WIPI1: variants seen among roughly 807,000 people sequenced by gnomAD.
WIPI1 encodes the protein WD repeat domain phosphoinositide-interacting protein 1.
In WIPI1, 45 loss-of-function variants were observed where a neutral mutation model predicts 55.3. That is an observed-to-expected ratio of 0.81 (90% CI 0.64 to 1.04). WIPI1 has a LOEUF of 1.04. WIPI1 is among the 50% of genes least tolerant of loss of function. The pLI is 0.00. For missense variants in WIPI1, 445 were observed against 559.0 expected (o/e 0.80, Z 2.06); for synonymous variants, 195 against 217.6 (o/e 0.90, Z 0.92).
chr17:68,444,350 A>T, intron 4 of WIPI1, 143 bp downstream of exon 4: 1 of 721,570 alleles, frequency 1.4e-6, no homozygotes, highest in South Asian at 1.7e-5. Context: ...TGCCGCCATT[A>T]AGACAAAGCT....
chr17:68,454,856 A>G (rs1400000796), intron 1 of WIPI1, among the ~76,000 whole-genome samples: 1 of 152,198 alleles, frequency 6.6e-6, no homozygotes, highest in African/African-American at 2.4e-5. Context: ...CTGCTCCTGG[A>G]CCAGAAGAAT....
In WIPI1 at chr17:68,455,764, G is replaced by A. The variant is rs553746974; in HGVS notation, c.80+1578C>T. 4.2e-4 allele frequency among the ~76,000 whole-genome samples: 64 copies of A among 152,272 alleles called. No homozygotes were observed. The East Asian group carries it at 4.4e-3, about 11-fold the overall frequency. Reference sequence around the variant, plus strand: ...TTTCTGTAGAAAGCTGGGACTTTGCGTTATTTAATGGCTAGAGTATAAATT... The same window carrying A: ...TTTCTGTAGAAAGCTGGGACTTTGCATTATTTAATGGCTAGAGTATAAATT... On this transcript the variant is annotated intron_variant, in intron 1 of 12. Coordinates refer to ENST00000262139, the MANE Select transcript of WIPI1 (RefSeq NM_017983.7).
chr17:68,427,688 A>C (rs1205643986), intron 10 of WIPI1: 1 of 159,716 alleles, frequency 6.3e-6, no homozygotes, highest in Non-Finnish European at 1.4e-5. Context: ...TGCCAGGGGC[A>C]GTCACACACC....
At chr17:68,433,077 TA>T (rs2083599498) in intron 8 of WIPI1, among the ~76,000 whole-genome samples, 1 of 152,286 alleles carries the variant, frequency 6.6e-6, no homozygotes, top group Non-Finnish European at 1.5e-5. Context: ...TTGTTATATT[TA>T]CAGCTATATC....
intron 8 of WIPI1, among the ~76,000 whole-genome samples, chr17:68,431,118 G>A (rs1458823023): frequency 6.6e-6 from 1 of 152,192 alleles, no homozygotes; most frequent in Non-Finnish European, 1.5e-5. Flanking sequence ...ACAAAGAGGT[G>A]TACGATCCAG....
intron 4 of WIPI1, among the ~76,000 whole-genome samples, chr17:68,437,520 C>T (rs1001510059): frequency 2.6e-5 from 4 of 151,612 alleles, no homozygotes; most frequent in African/African-American, 9.7e-5. Flanking sequence ...TGCCACTGCA[C>T]TCCAGCCTGG....
At position 68,421,669 on chromosome 17, in the gene WIPI1, C is replaced by T; in HGVS notation, c.*104G>A. ...GCAGTGGAGCACCCGGGATTCCTGCCCCCCTTTCTGCTCACACAATTGCAC... is the reference window on the plus strand; with the variant it reads ...GCAGTGGAGCACCCGGGATTCCTGCTCCCCTTTCTGCTCACACAATTGCAC... On this transcript the variant is annotated 3_prime_UTR_variant, in exon 13 of 13. Coordinates refer to ENST00000262139, the MANE Select transcript of WIPI1 (RefSeq NM_017983.7). 3 of 1,521,930 alleles carry T rather than the reference C, an allele frequency of 2.0e-6. No individual in the cohort carries two copies. Among genetic ancestry groups the T allele is most frequent in the Non-Finnish European group, 2.7e-6 (3 of 1,098,708 alleles). The allele number at this position is 1,521,930 out of a possible 1,614,324, so 94.3% of individuals were successfully genotyped here. A position where few individuals can be genotyped will look rare whatever the true frequency, so the allele number is the denominator to read the frequency against.
intron 1 of WIPI1, among the ~76,000 whole-genome samples, chr17:68,455,705 A>G (rs1728917838): frequency 6.6e-6 from 1 of 152,184 alleles, no homozygotes; most frequent in African/African-American, 2.4e-5. Context: ...CTTTCAAAGC[A>G]CCCTACCGTT....
At chr17:68,456,471 G>A (rs1470545745) in intron 1 of WIPI1, among the ~76,000 whole-genome samples, 1 of 150,798 alleles carries the variant, frequency 6.6e-6, no homozygotes, top group African/African-American at 2.4e-5. Context: ...ATTCCATATG[G>A]TCCCCAGGGC....
intron 11 of WIPI1, 121 bp from the exon 12 acceptor site, chr17:68,426,296 C>T: frequency 1.3e-6 from 1 of 770,410 alleles, no homozygotes; most frequent in East Asian, 2.6e-5. Flanking sequence ...TGTCTGTCTT[C>T]CCCCTGGAGG....
At chr17:68,432,305 G>A (rs2083565660) in intron 8 of WIPI1, among the ~76,000 whole-genome samples, 1 of 152,198 alleles carries the variant, frequency 6.6e-6, no homozygotes, top group Admixed American at 6.5e-5. Context: ...GGCAGCGTGG[G>A]CTTGCTTTAA....
chr17:68,426,118 G>C lies in WIPI1; in HGVS notation c.1250C>G (p.Ala417Gly), dbSNP rs749738363. The C allele has an allele frequency of 6.2e-7, 1 of 1,612,500 alleles. No individual in the cohort carries two copies. Among genetic ancestry groups the C allele is most frequent in the Non-Finnish European group, 8.5e-7 (1 of 1,179,994 alleles). ...RGEVIPEHEFATGPVCLDDEN... is the reference protein window; with the variant it reads ...RGEVIPEHEFGTGPVCLDDEN... ...ATCATCAAGACACACTGGTCCCGTCGCAAACTCATGTTCAGGAATAACTTC... is the reference window on the plus strand; with the variant it reads ...ATCATCAAGACACACTGGTCCCGTCCCAAACTCATGTTCAGGAATAACTTC... Residue 417 changes from alanine (A) to glycine (G), a missense_variant, in exon 12 of 13, where the codon GCG (alanine) becomes GGG (glycine). Transcript: ENST00000262139.
rs1185117088 is a variant in WIPI1, at chr17:68,450,875, G to A, written c.186C>T (p.Ile62=). 8.7e-6 allele frequency: 14 copies of A among 1,613,056 alleles called. No individual in the cohort carries two copies. The highest frequency in any genetic ancestry group is 4.5e-5 in the East Asian group (2 of 44,882). The change falls in exon 3 of 13, where the codon ATC becomes ATT. Residue 62 remains isoleucine (I), a synonymous_variant. Coordinates refer to ENST00000262139, the MANE Select transcript of WIPI1 (RefSeq NM_017983.7). Reference sequence around the variant, plus strand: ...GGCTGCTGGAGAAGAGGCGCTCCACGATGTAGACGTCCGGGATTTCATCTG... The same window carrying A: ...GGCTGCTGGAGAAGAGGCGCTCCACAATGTAGACGTCCGGGATTTCATCTG... The part of the protein sequence containing the change: ...HGSNEIPDVY[I]VERLFSSSLV...
At chr17:68,446,212 G>T (rs973563850) in intron 3 of WIPI1, among the ~76,000 whole-genome samples, 4 of 151,064 alleles carry the variant, frequency 2.6e-5, no homozygotes, top group Admixed American at 6.6e-5. Flanking sequence ...ACAGGGTCTC[G>T]TTCTGTCACC....
intron 5 of WIPI1, 110 bp from the exon 6 acceptor site, chr17:68,435,822 G>T: frequency 3.1e-6 from 3 of 971,650 alleles, no homozygotes; most frequent in Non-Finnish European, 4.8e-6. Flanking sequence ...CCAGCTCCCT[G>T]TCTCTTCCTC....
In WIPI1 at chr17:68,434,615, G is replaced by A; in HGVS notation, c.633C>T (p.Ile211=). The stretch of plus-strand genomic sequence containing the variant: ...GCCCATCAGGGACAGAGAACACCCG[G>A]ATGACTGTGCCCTGGAAAAGAAAGC... ...LASASEKGTV[I]RVFSVPDGQK... The change falls in exon 7 of 13, where the codon ATC becomes ATT. Residue 211 remains isoleucine, a synonymous_variant. Coordinates refer to ENST00000262139, the MANE Select transcript of WIPI1 (RefSeq NM_017983.7). 6.2e-7 allele frequency: 1 copy of A among 1,614,032 alleles called. No individual in the cohort carries two copies. The highest frequency in any genetic ancestry group is 2.2e-5 in the East Asian group (1 of 44,870).
At chr17:68,444,653 AATC>A in intron 3 of WIPI1, 64 bp from the exon 4 acceptor site, 1 of 1,356,608 alleles carries the variant, frequency 7.4e-7, no homozygotes, top group South Asian at 1.3e-5. Flanking sequence ...ACCAAATCCA[AATC>A]ATTCATCTTT....
chr17:68,433,625 T>C (rs773033835), intron 7 of WIPI1, 50 bp from the exon 8 acceptor site: 13 of 1,480,894 alleles, frequency 8.8e-6, no homozygotes, highest in African/African-American at 5.5e-5. Context: ...ATGGGAGTTA[T>C]GGCCTTATAA....
intron 12 of WIPI1, among the ~76,000 whole-genome samples, chr17:68,425,362 C>G (rs974999070): frequency 6.7e-6 from 1 of 149,890 alleles, no homozygotes; most frequent in Admixed American, 6.8e-5. Context: ...TGACACCACA[C>G]CCGGCTAATT....
Sources: allele counts gnomAD v4.1 joint callset (sites outside exome capture counted in the v4.1 genomes callset), GRCh38; gene constraint gnomAD v4.1.1; transcripts MANE v1.5; gene names NCBI Gene and HGNC (gene_info 2026-07-23, HGNC 2026-07-21).